DES: variants seen among roughly 807,000 people sequenced by gnomAD.
The protein encoded by DES is desmin, also known as cardiomyopathy, dilated 1F (autosomal dominant).
DES carries 34 observed loss-of-function variants against 55.1 expected under a neutral mutation model. The observed-to-expected ratio is 0.62, with a 90% CI of 0.47 to 0.82. The LOEUF (loss-of-function observed/expected upper bound fraction) is 0.82, where lower values mean the gene tolerates loss of function less well. DES is among the 40% of genes least tolerant of loss of function. DES has a pLI of 0.00. For missense variants in DES, 596 were observed against 645.9 expected (o/e 0.92, Z 0.84); for synonymous variants, 259 against 270.8 (o/e 0.96, Z 0.43).
Position 219,420,487 on chromosome 2 carries a change from C to A in DES, c.736-8C>A, listed in dbSNP as rs140375681. On this transcript the variant is annotated splice_polypyrimidine_tract_variant and splice_region_variant and intron_variant, in intron 3 of 8. Coordinates refer to ENST00000373960, the MANE Select transcript of DES (RefSeq NM_001927.4). The surrounding 1 kb of genome is among the most constrained non-coding windows in gnomAD (Gnocchi z 6.0). ...GAGAGGGGACTGAAGCCCAGTCATG[C>A]CCTACAGGAGATCCGTGAGTTGCAG... 5.6e-5 allele frequency: 90 copies of A among 1,613,886 alleles called. No individual in the cohort carries two copies. In the African/African-American group the frequency reaches 1.1e-3, roughly 19 times the overall value.
rs1253869866 is a variant in DES at position 219,418,849 on chromosome 2, G to A, written c.387G>A (p.Leu129=). The change falls in exon 1 of 9, where the codon CTG becomes CTA. Residue 129 remains leucine, a synonymous_variant. Coordinates refer to ENST00000373960, the MANE Select transcript of DES (RefSeq NM_001927.4). ...FANYIEKVRF[L]EQQNAALAAE... is the part of the protein sequence containing the mutation. ...ACTACATCGAGAAGGTGCGCTTCCT[G>A]GAGCAGCAGAACGCGGCGCTCGCCG... The A allele has an allele frequency of 6.3e-7, 1 of 1,582,378 alleles. No homozygotes were observed. The highest frequency in any genetic ancestry group is 8.6e-7 in the Non-Finnish European group (1 of 1,164,304).
rs1315315127 is a variant in DES at position 219,419,532 on chromosome 2, G to C, written c.578+492G>C. On this transcript the variant is annotated intron_variant, in intron 1 of 8. Coordinates refer to ENST00000373960, the MANE Select transcript of DES (RefSeq NM_001927.4). The surrounding 1 kb of genome is among the most constrained non-coding windows in gnomAD (Gnocchi z 4.3). ...CCCTGGGGGAGGTGGGGGGAGGGGGGAGCTTGGCCCTGGGGCCTTGCCGAG... is the reference window on the plus strand; with the variant it reads ...CCCTGGGGGAGGTGGGGGGAGGGGGCAGCTTGGCCCTGGGGCCTTGCCGAG... Among the ~76,000 whole-genome samples the C allele has an allele frequency of 6.6e-5, 10 of 152,014 alleles. No individual in the cohort carries two copies. Among genetic ancestry groups the C allele is most frequent in the African/African-American group, 2.4e-4 (10 of 41,398 alleles).
At chr2:219,425,329 G>A in intron 7 of DES, 2 of 368,228 alleles carry the variant, frequency 5.4e-6, no homozygotes, top group Non-Finnish European at 1.0e-5. Context: ...GGGCCTGGGG[G>A]TGGAGAGGAA....
chr2:219,425,653 C>T lies in DES; in HGVS notation c.1289-10C>T, dbSNP rs1028932888. 1 of 1,564,946 alleles carries T rather than the reference C, an allele frequency of 6.4e-7. No individual in the cohort carries two copies. Among genetic ancestry groups the T allele is most frequent in the African/African-American group, 1.4e-5 (1 of 73,798 alleles). On this transcript the variant is annotated splice_polypyrimidine_tract_variant and intron_variant, in intron 7 of 8. Coordinates refer to ENST00000373960, the MANE Select transcript of DES (RefSeq NM_001927.4). ...TGGTCAGGCTGAGTGTGCGATGGAC[C>T]CTGTTACAGAAACCAGCCCTGAGCA...
chr2:219,418,730 G>C lies in DES; in HGVS notation c.268G>C (p.Asp90His), dbSNP rs1267102255. The change falls in exon 1 of 9, where the codon GAC (aspartate) becomes CAC (histidine). Residue 90 changes from aspartate to histidine, a missense_variant. By Grantham distance (81) the Asp-to-His change is moderately conservative. Coordinates refer to ENST00000373960, the MANE Select transcript of DES (RefSeq NM_001927.4). Reference protein sequence around the residue: ...PSSYGAGELLDFSLADAVNQE... With the variant: ...PSSYGAGELLHFSLADAVNQE... Reference sequence around the variant, plus strand: ...CTCCTACGGCGCAGGCGAGCTGCTGGACTTCTCACTGGCCGACGCGGTGAA... The same window carrying C: ...CTCCTACGGCGCAGGCGAGCTGCTGCACTTCTCACTGGCCGACGCGGTGAA... The C allele has an allele frequency of 4.5e-6, 7 of 1,562,742 alleles. No homozygotes were observed. In the African/African-American group the frequency reaches 9.5e-5, roughly 21 times the overall value.
rs1954387026 is a variant in DES at position 219,419,161 on chromosome 2, C to G, written c.578+121C>G. On this transcript the variant is annotated intron_variant, in intron 1 of 8. Transcript: ENST00000373960. The surrounding 1 kb of genome is among the most constrained non-coding windows in gnomAD (Gnocchi z 4.3). The stretch of plus-strand genomic sequence containing the variant: ...CCGGGGCCCGGGACCCTCTCCTGCC[C>G]CATGTGGAGAAAGGGTCCTCCACCT... 1 of 1,506,454 alleles carries G rather than the reference C, an allele frequency of 6.6e-7. No individual in the cohort carries two copies. The highest frequency in any genetic ancestry group is 8.8e-7 in the Non-Finnish European group (1 of 1,131,702). 93.3% of individuals were successfully genotyped at this position (1,506,454 alleles called of 1,614,324 possible).
rs1390726004 is a variant in DES at position 219,420,586 on chromosome 2, A to G, written c.827A>G (p.Asp276Gly). 1 of 1,613,982 alleles carries G rather than the reference A, an allele frequency of 6.2e-7. No homozygotes were observed. The highest frequency in any genetic ancestry group is 1.1e-5 in the South Asian group (1 of 91,078). Residue 276 changes from aspartate to glycine, a missense_variant, in exon 4 of 9, where the codon GAC becomes GGC. Transcript: ENST00000373960. This position sits in a 1 kb window ranked among gnomAD's most constrained non-coding sequence, Gnocchi z 6.0. ...SKPDLTAALR[D>G]IRAQYETIAA... Reference sequence around the variant, plus strand: ...CCAGACCTCACTGCCGCCCTCAGGGACATCCGGGCTCAGTATGAGACCATC... The same window carrying G: ...CCAGACCTCACTGCCGCCCTCAGGGGCATCCGGGCTCAGTATGAGACCATC...
intron 6 of DES, among the ~76,000 whole-genome samples, chr2:219,421,946 G>T (rs1018151692): frequency 2.0e-5 from 3 of 152,126 alleles, no homozygotes; most frequent in South Asian, 4.1e-4. Flanking sequence ...GATTACAGGC[G>T]TGAGCCACCG....
In DES at chr2:219,418,597, C is replaced by G; in HGVS notation, c.135C>G (p.Ser45=). The part of the protein sequence containing the change: ...FPRAGFGSKG[S]SSSVTSRVYQ... ...GGGCGGGTTTCGGCTCTAAGGGCTC[C>G]TCCAGCTCGGTGACGTCCCGCGTGT... is the stretch of plus-strand genomic sequence containing the variant. The change falls in exon 1 of 9, where the codon TCC becomes TCG. Residue 45 remains serine, a synonymous_variant. Transcript: ENST00000373960. 6.2e-7 allele frequency: 1 copy of G among 1,604,914 alleles called. No homozygotes were observed. The highest frequency in any genetic ancestry group is 1.1e-5 in the South Asian group (1 of 89,818).
rs567741120 is a variant in DES, at chr2:219,426,637, C to T, written c.*647C>T. ...GAGAGGAGAGGAGAGAGGCAGAGAG[C>T]GGTCTCAGGCTGGTGGGAGGGGCGC... On this transcript the variant is annotated 3_prime_UTR_variant, in exon 9 of 9. Coordinates refer to ENST00000373960, the MANE Select transcript of DES (RefSeq NM_001927.4). This position sits in a 1 kb window ranked among gnomAD's most constrained non-coding sequence, Gnocchi z 4.5. The T allele has an allele frequency of 1.8e-4, 28 of 158,222 alleles. No homozygotes were observed. In the South Asian group the frequency reaches 2.3e-3, roughly 13 times the overall value. 9.8% of individuals were successfully genotyped at this position (158,222 alleles called of 1,614,324 possible). A position where few individuals can be genotyped will look rare whatever the true frequency, so the allele number is the denominator to read the frequency against.
In DES at chr2:219,421,379, C is replaced by T. The variant is rs762808690; in HGVS notation, c.1063C>T (p.Arg355Ter). ...GAGGCAGATGCGGGAATTGGAGGAC[C>T]GATTTGCCAGTGAGGCCAGTGGCTA... ...LMRQMRELED[R>*]FASEASGYQD... Residue 355 changes from arginine (R) to a stop codon, truncating the protein, a stop_gained, in exon 6 of 9, where the codon CGA (arginine) becomes TGA (stop). Transcript: ENST00000373960. LOFTEE classifies it high-confidence loss of function. 12 of 1,613,958 alleles carry T rather than the reference C, an allele frequency of 7.4e-6. No individual in the cohort carries two copies. The highest frequency in any genetic ancestry group is 1.0e-5 in the Non-Finnish European group (12 of 1,180,020).
chr2:219,426,428 T>G lies in DES; in HGVS notation c.*438T>G. On this transcript the variant is annotated 3_prime_UTR_variant, in exon 9 of 9. Transcript: ENST00000373960. This position sits in a 1 kb window ranked among gnomAD's most constrained non-coding sequence, Gnocchi z 4.5. ...CCCAGGAGAGAGAAAGCCAGGCAGG[T>G]AGCCAGGGGGACTAGCCCCTGTGGA... The G allele has an allele frequency of 3.4e-6, 1 of 297,098 alleles. No individual in the cohort carries two copies. The highest frequency in any genetic ancestry group is 6.6e-6 in the Non-Finnish European group (1 of 151,274). The allele number at this position is 297,098 out of a possible 1,614,324, so 18.4% of individuals were successfully genotyped here.
chr2:219,423,029 A>G (rs1331806064), intron 6 of DES, among the ~76,000 whole-genome samples: 3 of 152,230 alleles, frequency 2.0e-5, no homozygotes, highest in South Asian at 2.1e-4. Context: ...TCACGTCTAC[A>G]TATGATGGCC....
At position 219,426,204 on chromosome 2, in the gene DES, C is replaced by G; in HGVS notation, c.*214C>G. 1.5e-6 allele frequency: 1 copy of G among 661,458 alleles called. No homozygotes were observed. Among genetic ancestry groups the G allele is most frequent in the Non-Finnish European group, 2.7e-6 (1 of 366,464 alleles). 41.0% of individuals were successfully genotyped at this position (661,458 alleles called of 1,614,324 possible). On this transcript the variant is annotated 3_prime_UTR_variant, in exon 9 of 9. Transcript: ENST00000373960. The surrounding 1 kb of genome is among the most constrained non-coding windows in gnomAD (Gnocchi z 4.5). ...GCATGCCCCGGCCACCTCTGCGGAC[C>G]CCAGCTGTGAGCCTTGGCTGTTGGC...
Position 219,418,690 on chromosome 2 carries a change from C to G in DES, c.228C>G (p.Thr76=), listed in dbSNP as rs780233346. The G allele has an allele frequency of 2.5e-6, 4 of 1,571,560 alleles. No individual in the cohort carries two copies. The highest frequency in any genetic ancestry group is 3.5e-6 in the Non-Finnish European group (4 of 1,158,508). ...CGCTGCGGGCCAGCCGGCTGGGGAC[C>G]ACCCGCACGCCCTCCTCCTACGGCG... is the stretch of plus-strand genomic sequence containing the variant. ...LGSLRASRLG[T]TRTPSSYGAG... Residue 76 remains threonine (T), a synonymous_variant, in exon 1 of 9, where the codon ACC becomes ACG. Transcript: ENST00000373960.
Position 219,423,709 on chromosome 2 carries a change from G to A in DES, c.1245-68G>A, listed in dbSNP as rs908267195. The A allele has an allele frequency of 2.5e-5, 38 of 1,522,346 alleles. No individual in the cohort carries two copies. The African/African-American group carries it at 4.5e-4, about 18-fold the overall frequency. 94.3% of individuals were successfully genotyped at this position (1,522,346 alleles called of 1,614,324 possible). On this transcript the variant is annotated intron_variant, in intron 6 of 8. Transcript: ENST00000373960. ...CCGCCTCGGCCTTTCAAAGTGCTGG[G>A]ATTACAGCTGGGCCCGGCCGATGGG... is the stretch of plus-strand genomic sequence containing the variant.
rs1324243103 is a variant in DES at position 219,426,481 on chromosome 2, G to C, written c.*491G>C. 2 of 225,520 alleles carry C rather than the reference G, an allele frequency of 8.9e-6. No individual in the cohort carries two copies. The highest frequency in any genetic ancestry group is 4.5e-5 in the African/African-American group (2 of 44,558). The allele number at this position is 225,520 out of a possible 1,614,324, so 14.0% of individuals were successfully genotyped here. A position where few individuals can be genotyped will look rare whatever the true frequency, so the allele number is the denominator to read the frequency against. Reference sequence around the variant, plus strand: ...CTGGGGGGCTTGAAATTGTCCCCGTGGTCTCTTACTTTCCTTTCCCCAGCC... The same window carrying C: ...CTGGGGGGCTTGAAATTGTCCCCGTCGTCTCTTACTTTCCTTTCCCCAGCC... On this transcript the variant is annotated 3_prime_UTR_variant, in exon 9 of 9. Coordinates refer to ENST00000373960, the MANE Select transcript of DES (RefSeq NM_001927.4). The surrounding 1 kb of genome is among the most constrained non-coding windows in gnomAD (Gnocchi z 4.5).
Position 219,420,976 on chromosome 2 carries a change from A to G in DES, c.1023+23A>G. On this transcript the variant is annotated intron_variant, in intron 5 of 8. Coordinates refer to ENST00000373960, the MANE Select transcript of DES (RefSeq NM_001927.4). This position sits in a 1 kb window ranked among gnomAD's most constrained non-coding sequence, Gnocchi z 6.0. ...ACTGTGAGTCCCTGCCCACCTGGCC[A>G]GGCCCTGCCCCTTCCTGTCTGCAGT... is the stretch of plus-strand genomic sequence containing the variant. 1.9e-6 allele frequency: 3 copies of G among 1,610,752 alleles called. No homozygotes were observed. The highest frequency in any genetic ancestry group is 1.7e-6 in the Non-Finnish European group (2 of 1,178,880).
In DES at chr2:219,420,656, G is replaced by A. The variant is rs1265260581; in HGVS notation, c.897G>A (p.Lys299=). 3.1e-6 allele frequency: 5 copies of A among 1,614,074 alleles called. 1 individual carries two copies. The highest frequency in any genetic ancestry group is 4.2e-6 in the Non-Finnish European group (5 of 1,180,024). The change falls in exon 4 of 9, where the codon AAG becomes AAA. Residue 299 remains lysine, a splice_region_variant and synonymous_variant. Coordinates refer to ENST00000373960, the MANE Select transcript of DES (RefSeq NM_001927.4). The surrounding 1 kb of genome is among the most constrained non-coding windows in gnomAD (Gnocchi z 6.0). The part of the protein sequence containing the change: ...ISEAEEWYKS[K]VSDLTQAANK... The stretch of plus-strand genomic sequence containing the variant: ...AAGCTGAGGAGTGGTACAAGTCGAA[G>A]GTGGGTGGCCTCGCCCGGGGACTGG...
Sources: allele counts gnomAD v4.1 joint callset (sites outside exome capture counted in the v4.1 genomes callset), GRCh38; gene constraint gnomAD v4.1.1; non-coding constraint Gnocchi (gnomAD v3.1); transcripts MANE v1.5; gene names NCBI Gene and HGNC (gene_info 2026-07-23, HGNC 2026-07-21).